EMID1: variants seen among roughly 807,000 people sequenced by gnomAD.
The protein encoded by EMID1 is EMI domain containing 1.
In EMID1, 40 loss-of-function variants were observed where a neutral mutation model predicts 60.6. The ratio of observed to expected loss-of-function variants is 0.66; its 90% CI spans 0.51 to 0.86. The LOEUF (loss-of-function observed/expected upper bound fraction) is 0.86. Ranked by LOEUF, EMID1 falls within the 40% of genes least tolerant of loss-of-function variation. The pLI is 0.00. For synonymous variants in EMID1, 242 were observed against 231.0 expected, an observed-to-expected ratio of 1.05 and a Z score of -0.43; for missense variants, 585 against 597.1, an observed-to-expected ratio of 0.98 and a Z score of 0.21.
intron 3 of EMID1, among the ~76,000 whole-genome samples, chr22:29,222,123 T>G (rs1455329199): frequency 6.6e-6 from 1 of 152,184 alleles, no homozygotes; most frequent in Non-Finnish European, 1.5e-5. Flanking sequence ...TTATTTTTTT[T>G]AGATAGGGTC....
chr22:29,229,884 C>G (rs2040665043), intron 5 of EMID1, among the ~76,000 whole-genome samples: 1 of 152,186 alleles, frequency 6.6e-6, no homozygotes, highest in African/African-American at 2.4e-5. Flanking sequence ...ATCCCTGAGC[C>G]CCTGATCTGT....
intron 5 of EMID1, among the ~76,000 whole-genome samples, chr22:29,228,740 A>G (rs2040620537): frequency 1.3e-5 from 2 of 152,218 alleles, no homozygotes; most frequent in South Asian, 2.1e-4. Context: ...CATTACGGAC[A>G]TGTGCCACCA....
intron 11 of EMID1, 49 bp downstream of exon 11, chr22:29,234,248 G>A: frequency 5.6e-6 from 9 of 1,611,384 alleles, no homozygotes; most frequent in Non-Finnish European, 7.6e-6. Context: ...GAGTCCTGAG[G>A]GCCCCAGGTC....
At chr22:29,240,039 C>A (rs530650788) in intron 12 of EMID1, among the ~76,000 whole-genome samples, 3 of 152,268 alleles carry the variant, frequency 2.0e-5, no homozygotes, top group Middle Eastern at 3.4e-3. Flanking sequence ...TCTTGAACTC[C>A]TGAGCTCAGG....
intron 3 of EMID1, among the ~76,000 whole-genome samples, chr22:29,219,878 G>T (rs528981056): frequency 3.9e-5 from 6 of 152,048 alleles, no homozygotes; most frequent in Non-Finnish European, 8.8e-5. Flanking sequence ...AGGGCTGGGC[G>T]CTCTCCACAC....
chr22:29,250,736 T>TTTTTTTTTTTTTTTG (rs2041498724), intron 13 of EMID1, among the ~76,000 whole-genome samples: 1 of 31,898 alleles, frequency 3.1e-5, no homozygotes, highest in Non-Finnish European at 5.5e-5. Context: ...CCGGCTAATT[T>TTTTTTTTTTTTTTTG]TTTTTTTTTT....
At chr22:29,207,319 G>A (rs913676950) in intron 1 of EMID1, among the ~76,000 whole-genome samples, 2 of 152,276 alleles carry the variant, frequency 1.3e-5, no homozygotes, top group Non-Finnish European at 2.9e-5. Context: ...AGCCTGAGTC[G>A]GCTCCGTTAC....
At chr22:29,242,040 A>G (rs1168315829) in intron 12 of EMID1, among the ~76,000 whole-genome samples, 1 of 152,162 alleles carries the variant, frequency 6.6e-6, no homozygotes, top group Non-Finnish European at 1.5e-5. Context: ...CCTCCTGAGT[A>G]GCTGGGACTA....
Position 29,259,158 on chromosome 22 carries a change from C to T in EMID1, c.*214C>T. 1 of 714,868 alleles carries T rather than the reference C, an allele frequency of 1.4e-6. No individual in the cohort carries two copies. 44.3% of individuals were successfully genotyped at this position (714,868 alleles called of 1,614,324 possible). On this transcript the variant is annotated 3_prime_UTR_variant, in exon 15 of 15. Transcript: ENST00000334018. ...AGAGGAGAGGCTTGGGCCTCAGTTT[C>T]CCTCTGTGAAGTGGGGGGAGGCAGG...
intron 3 of EMID1, among the ~76,000 whole-genome samples, chr22:29,222,024 T>G (rs1303935906): frequency 6.6e-6 from 1 of 152,210 alleles, no homozygotes; most frequent in Non-Finnish European, 1.5e-5. Flanking sequence ...GAAAACAAAC[T>G]GGTTGAAAAA....
At chr22:29,247,295 A>C (rs1382529436) in intron 13 of EMID1, among the ~76,000 whole-genome samples, 1 of 152,208 alleles carries the variant, frequency 6.6e-6, no homozygotes, top group East Asian at 1.9e-4. Context: ...TATACAGAAA[A>C]GTTGGTACAA....
chr22:29,251,715 AGTACAGTG>A, intron 13 of EMID1, among the ~76,000 whole-genome samples: 1 of 151,822 alleles, frequency 6.6e-6, no homozygotes, highest in East Asian at 1.9e-4. Context: ...CCCAGGCTGG[AGTACAGTG>A]GTGTGATCTC....
intron 5 of EMID1, among the ~76,000 whole-genome samples, chr22:29,230,526 G>A (rs111625211): frequency 0.055 from 8,404 of 152,254 alleles, 342 homozygotes; most frequent in Non-Finnish European, 0.074. Flanking sequence ...TCCATAATGC[G>A]TGTTATGAAT....
At chr22:29,228,350 ATTAAT>A (rs1251938688) in intron 5 of EMID1, among the ~76,000 whole-genome samples, 1 of 152,294 alleles carries the variant, frequency 6.6e-6, no homozygotes, top group South Asian at 2.1e-4. Flanking sequence ...TAATTAATTA[ATTAAT>A]TTAAATTAAA....
At chr22:29,219,242 G>T (rs1308157654) in intron 3 of EMID1, among the ~76,000 whole-genome samples, 1 of 152,168 alleles carries the variant, frequency 6.6e-6, no homozygotes, top group African/African-American at 2.4e-5. Context: ...CAGCTGGGAT[G>T]CTGTGAGGCT....
intron 1 of EMID1, among the ~76,000 whole-genome samples, chr22:29,212,948 A>C (rs533514356): frequency 6.6e-6 from 1 of 152,364 alleles, no homozygotes; most frequent in East Asian, 1.9e-4. Context: ...GCGTGCAGCA[A>C]GCATGATAAA....
intron 7 of EMID1, 188 bp downstream of exon 7, chr22:29,231,870 C>A (rs2040762372): frequency 1.7e-6 from 1 of 586,786 alleles, no homozygotes; most frequent in Non-Finnish European, 2.9e-6. Context: ...TGTTCACTGA[C>A]CCACATTCCC....
chr22:29,242,891 A>T (rs541047536), intron 12 of EMID1, among the ~76,000 whole-genome samples: 1 of 152,166 alleles, frequency 6.6e-6, no homozygotes, highest in African/African-American at 2.4e-5. Context: ...TGTCTCCTAT[A>T]TGGTGGGCAA....
intron 3 of EMID1, among the ~76,000 whole-genome samples, chr22:29,219,469 G>A (rs753865625): frequency 4.6e-5 from 7 of 152,090 alleles, no homozygotes; most frequent in East Asian, 1.9e-4. Context: ...ACACTTGCCC[G>A]AGGTCGACCA....
Sources: gnomAD v4.1 joint callset for allele counts (sites outside exome capture counted in the v4.1 genomes callset) on GRCh38, gnomAD v4.1.1 for gene constraint, MANE v1.5 for transcripts, NCBI Gene and HGNC (gene_info 2026-07-23, HGNC 2026-07-21) for gene names.